Variants in SLC18B1 observed in about 807,000 individuals in gnomAD.
The protein encoded by SLC18B1 is MFS-type transporter SLC18B1.
SLC18B1 carries 62 observed loss-of-function variants against 53.9 expected under a neutral mutation model. The observed-to-expected ratio is 1.15, with a 90% CI of 0.94 to 1.42. SLC18B1 has a LOEUF of 1.42. Among genes scored for constraint, SLC18B1 ranks in the 40% most tolerant of loss-of-function variants. The probability of loss-of-function intolerance (pLI) is 0.00; values close to 1 mark genes in which losing one functional copy is unlikely to be tolerated. For missense variants in SLC18B1, 598 were observed against 547.3 expected, an observed-to-expected ratio of 1.09 and a Z score of -0.93; for synonymous variants, 217 against 200.9, an observed-to-expected ratio of 1.08 and a Z score of -0.68.
rs11439950 is a variant in SLC18B1, at chr6:132,788,925, CA to C, written c.353+838del. Among the ~76,000 whole-genome samples, 758 of 104,882 alleles carry C rather than the reference CA, an allele frequency of 7.2e-3. 2 individuals are homozygous for C. Among genetic ancestry groups the C allele is most frequent in the Non-Finnish European group, 9.4e-3 (472 of 50,370 alleles). 68.8% of individuals were successfully genotyped at this position (104,882 alleles called of 152,430 possible). On this transcript the variant is annotated intron_variant, in intron 4 of 13. Transcript: ENST00000275227. ...TCTCCCGTAGTCAGACTGAAACCTT[CA>C]AAAAAAAAAAAAAAAGGAATAAAGA...
chr6:132,772,466 A>C (rs1484459720), intron 10 of SLC18B1, among the ~76,000 whole-genome samples: 2 of 152,186 alleles, frequency 1.3e-5, no homozygotes, highest in African/African-American at 4.8e-5. Flanking sequence ...TTAAATACTT[A>C]TAAAAATATA....
chr6:132,779,336 C>A lies in SLC18B1; in HGVS notation c.727G>T (p.Val243Phe), dbSNP rs374392828. ...AAACACGAGCTGAGTGAGTTGATGA[C>A]GAAGGCTATAAGGCCAACTTTGGGT... ...ALPKVGLIAF[V>F]INSLSSCFGF... The change falls in exon 7 of 14, where the codon GTC becomes TTC. Residue 243 changes from valine (V) to phenylalanine (F), a missense_variant. Transcript: ENST00000275227. 2 of 1,613,590 alleles carry A rather than the reference C, an allele frequency of 1.2e-6. No individual in the cohort carries two copies. Among genetic ancestry groups the A allele is most frequent in the Admixed American group, 3.3e-5 (2 of 59,962 alleles).
intron 6 of SLC18B1, 47 bp downstream of exon 6, chr6:132,783,886 A>G (rs1368997299): frequency 7.2e-7 from 1 of 1,390,922 alleles, no homozygotes; most frequent in Admixed American, 2.7e-5. Flanking sequence ...ACAAAGGTAT[A>G]AAAATATATT....
At chr6:132,782,686 T>A (rs540301763) in intron 6 of SLC18B1, among the ~76,000 whole-genome samples, 1 of 152,176 alleles carries the variant, frequency 6.6e-6, no homozygotes, top group Non-Finnish European at 1.5e-5. Flanking sequence ...GGGTAGAACT[T>A]ATAAAATAAA....
rs148971665 is a variant in SLC18B1, at chr6:132,797,970, A to G, written c.43+444T>C. The stretch of plus-strand genomic sequence containing the variant: ...AAGAGAAATACATTTGCTTTGCTCT[A>G]TTTGTCAGAGGTTGCCATTGCAGTC... On this transcript the variant is annotated intron_variant, in intron 1 of 13. Coordinates refer to ENST00000275227, the MANE Select transcript of SLC18B1 (RefSeq NM_052831.3). Among the ~76,000 whole-genome samples the G allele has an allele frequency of 6.9e-3, 1,048 of 152,208 alleles. 9 individuals are homozygous for G. Among genetic ancestry groups the G allele is most frequent in the African/African-American group, 0.023 (970 of 41,516 alleles).
intron 2 of SLC18B1, among the ~76,000 whole-genome samples, chr6:132,793,850 A>G (rs2114688283): frequency 6.6e-6 from 1 of 152,306 alleles, no homozygotes; most frequent in African/African-American, 2.4e-5. Context: ...CTTCTGAATA[A>G]AATGAACTTT....
Position 132,774,288 on chromosome 6 carries a change from A to G in SLC18B1, c.923T>C (p.Phe308Ser). Reference protein sequence around the residue: ...RPPLRKWLLVFGNLITAGCYM... With the variant: ...RPPLRKWLLVSGNLITAGCYM... The stretch of plus-strand genomic sequence containing the variant: ...GCACCCGGCTGTGATTAAGTTGCCA[A>G]ACACCAGAAGCCATTTCCTTAGAGG... The change falls in exon 9 of 14, where the codon TTT (phenylalanine) becomes TCT (serine). Residue 308 changes from phenylalanine (F) to serine (S), a missense_variant. Transcript: ENST00000275227. 1.2e-6 allele frequency: 2 copies of G among 1,613,384 alleles called. No individual in the cohort carries two copies. Among genetic ancestry groups the G allele is most frequent in the East Asian group, 4.5e-5 (2 of 44,860 alleles).
chr6:132,773,789 C>A (rs950092766), intron 9 of SLC18B1, among the ~76,000 whole-genome samples: 2 of 151,302 alleles, frequency 1.3e-5, no homozygotes, highest in Admixed American at 6.6e-5. Flanking sequence ...TTACATTAAG[C>A]AAGGTCTAAT....
In SLC18B1 at chr6:132,774,285, C is replaced by T; in HGVS notation, c.926G>A (p.Gly309Asp). 1 of 1,612,844 alleles carries T rather than the reference C, an allele frequency of 6.2e-7. No individual in the cohort carries two copies. The highest frequency in any genetic ancestry group is 8.5e-7 in the Non-Finnish European group (1 of 1,179,296). Residue 309 changes from glycine to aspartate, a missense_variant, in exon 9 of 14, where the codon GGC becomes GAC. Coordinates refer to ENST00000275227, the MANE Select transcript of SLC18B1 (RefSeq NM_052831.3). ...PPLRKWLLVF[G>D]NLITAGCYML... ...GTAGCACCCGGCTGTGATTAAGTTG[C>T]CAAACACCAGAAGCCATTTCCTTAG...
intron 2 of SLC18B1, among the ~76,000 whole-genome samples, chr6:132,795,362 C>G (rs991455595): frequency 6.6e-6 from 1 of 152,162 alleles, no homozygotes; most frequent in Non-Finnish European, 1.5e-5. Flanking sequence ...CATTAAACCT[C>G]TAGTTAATAG....
intron 2 of SLC18B1, among the ~76,000 whole-genome samples, chr6:132,792,274 A>AG (rs1781551870): frequency 1.7e-5 from 1 of 58,088 alleles, no homozygotes; most frequent in East Asian, 3.5e-4. Context: ...AAAGAAAGAA[A>AG]GAAAGAAAGG....
chr6:132,790,213 CA>C lies in SLC18B1; in HGVS notation c.242del (p.Leu81CysfsTer24). The C allele has an allele frequency of 6.3e-7, 1 of 1,577,778 alleles. No individual in the cohort carries two copies. Among genetic ancestry groups the C allele is most frequent in the Non-Finnish European group, 8.6e-7 (1 of 1,159,306 alleles). On this transcript the variant is annotated frameshift_variant, in exon 3 of 14. Transcript: ENST00000275227. LOFTEE classifies it high-confidence loss of function. ...IIGMIFGCFA[L>X]FELLASLVFG... The stretch of plus-strand genomic sequence containing the variant: ...ATACCAAGGATGCCAGCAACTCGAA[CA>C]AAGCAAAACATCCAAAGATCATACC...
chr6:132,773,139 T>C (rs1379191912), intron 9 of SLC18B1, 51 bp from the exon 10 acceptor site: 1 of 1,317,954 alleles, frequency 7.6e-7, no homozygotes, highest in South Asian at 1.2e-5. Context: ...ACATTAGCGT[T>C]TTAACAAACA....
chr6:132,783,865 A>G, intron 6 of SLC18B1, 68 bp downstream of exon 6: 5 of 1,217,726 alleles, frequency 4.1e-6, no homozygotes, highest in Non-Finnish European at 5.4e-6. Context: ...AACTGGTAAA[A>G]CTGGTCTCTT....
chr6:132,789,679 G>T, intron 4 of SLC18B1, 85 bp downstream of exon 4: 2 of 927,314 alleles, frequency 2.2e-6, no homozygotes, highest in Non-Finnish European at 3.5e-6. Context: ...TGGAACCATT[G>T]ACTTAAAGAG....
At chr6:132,774,911 A>G (rs988713944) in intron 8 of SLC18B1, among the ~76,000 whole-genome samples, 5 of 151,934 alleles carry the variant, frequency 3.3e-5, no homozygotes, top group Non-Finnish European at 7.4e-5. Context: ...ACTCTGTCTC[A>G]AAAAAAAGCA....
chr6:132,788,092 C>T (rs942023301), intron 4 of SLC18B1, among the ~76,000 whole-genome samples: 7 of 150,916 alleles, frequency 4.6e-5, no homozygotes, highest in African/African-American at 7.3e-5. Flanking sequence ...ACCTGGGCGG[C>T]GCAGTTTGCA....
chr6:132,792,323 G>A (rs866664924), intron 2 of SLC18B1, among the ~76,000 whole-genome samples: 4 of 111,608 alleles, frequency 3.6e-5, no homozygotes, highest in African/African-American at 2.0e-4. Context: ...AAGGAAGGAA[G>A]GAAGGAAGGA....
In SLC18B1 at chr6:132,787,630, T is replaced by C. The variant is rs750957392; in HGVS notation, c.354-49A>G. The C allele has an allele frequency of 2.1e-6, 3 of 1,462,522 alleles. No individual in the cohort carries two copies. In the African/African-American group the frequency reaches 4.4e-5, roughly 21 times the overall value. The allele number at this position is 1,462,522 out of a possible 1,614,324, so 90.6% of individuals were successfully genotyped here. On this transcript the variant is annotated intron_variant, in intron 4 of 13. Coordinates refer to ENST00000275227, the MANE Select transcript of SLC18B1 (RefSeq NM_052831.3). ...GAAATGCCAAGCTGGTTTTCTTTTT[T>C]TTTTTTTCCTTTTTAACTGTACTCA...
Sources: allele counts gnomAD v4.1 joint callset (sites outside exome capture counted in the v4.1 genomes callset), GRCh38; gene constraint gnomAD v4.1.1; transcripts MANE v1.5; gene names NCBI Gene and HGNC (gene_info 2026-07-23, HGNC 2026-07-21).